Variants in CDKAL1 observed in about 807,000 individuals in gnomAD.
CDKAL1 encodes CDKAL1 threonylcarbamoyladenosine tRNA methylthiotransferase, also known as threonylcarbamoyladenosine tRNA methylthiotransferase.
In CDKAL1, 32 loss-of-function variants were observed where a neutral mutation model predicts 68.2. The observed-to-expected ratio is 0.47, with a 90% CI of 0.35 to 0.63. CDKAL1 has a LOEUF of 0.63. Ranked by LOEUF, CDKAL1 falls within the 30% of genes least tolerant of loss-of-function variation. The probability of loss-of-function intolerance (pLI) is 0.00; values close to 1 mark genes in which losing one functional copy is unlikely to be tolerated. For synonymous variants in CDKAL1, 234 were observed against 244.3 expected, an observed-to-expected ratio of 0.96 and a Z score of 0.39; for missense variants, 606 against 696.7, an observed-to-expected ratio of 0.87 and a Z score of 1.47.
At chr6:21,068,710 T>TC (rs1771592065) in intron 12 of CDKAL1, among the ~76,000 whole-genome samples, 1 of 152,194 alleles carries the variant, frequency 6.6e-6, no homozygotes, top group Non-Finnish European at 1.5e-5. Flanking sequence ...CTATTGTTGT[T>TC]CCTTTGTTTT....
chr6:21,034,000 T>A (rs1214050378), intron 11 of CDKAL1, among the ~76,000 whole-genome samples: 1 of 151,588 alleles, frequency 6.6e-6, no homozygotes, highest in African/African-American at 2.4e-5. Flanking sequence ...CAGCAGCAGC[T>A]GTGTTCTGCT....
chr6:20,655,624 C>T (rs1484981471), intron 5 of CDKAL1, among the ~76,000 whole-genome samples: 23 of 152,064 alleles, frequency 1.5e-4, no homozygotes, highest in Admixed American at 6.6e-4. Flanking sequence ...CTAGGTTGTG[C>T]GCTCCTTATA....
intron 7 of CDKAL1, among the ~76,000 whole-genome samples, chr6:20,774,788 G>A (rs1486163946): frequency 2.6e-5 from 4 of 152,090 alleles, no homozygotes; most frequent in East Asian, 1.9e-4. Context: ...TGGTAAAATC[G>A]TTTAGTAACA....
intron 4 of CDKAL1, among the ~76,000 whole-genome samples, chr6:20,643,244 C>G (rs2127753528): frequency 6.6e-6 from 1 of 152,264 alleles, no homozygotes; most frequent in Admixed American, 6.5e-5. Flanking sequence ...GTGCCCTTCT[C>G]TAATATTGCT....
chr6:21,080,599 T>C (rs1772335110), intron 12 of CDKAL1, among the ~76,000 whole-genome samples: 1 of 152,232 alleles, frequency 6.6e-6, no homozygotes, highest in Non-Finnish European at 1.5e-5. Context: ...CTCTGTACTA[T>C]CACTGTTCCC....
chr6:20,574,106 T>C (rs1293768807), intron 4 of CDKAL1, among the ~76,000 whole-genome samples: 1 of 152,184 alleles, frequency 6.6e-6, no homozygotes, highest in African/African-American at 2.4e-5. Context: ...GCATGGAGAA[T>C]TTTTGTCCTC....
chr6:20,552,452 T>G (rs113408161), intron 4 of CDKAL1, among the ~76,000 whole-genome samples: 3,323 of 152,288 alleles, frequency 0.022, 56 homozygotes, highest in Middle Eastern at 0.092. Context: ...TAAATTTTAA[T>G]CCATTAGCAG....
intron 10 of CDKAL1, among the ~76,000 whole-genome samples, chr6:20,967,022 G>A (rs537605775): frequency 1.3e-5 from 2 of 152,226 alleles, no homozygotes; most frequent in Non-Finnish European, 2.9e-5. Flanking sequence ...TTCTTGTCCC[G>A]CAGCTTCTAA....
chr6:20,646,674 G>A (rs529936010), intron 4 of CDKAL1, among the ~76,000 whole-genome samples: 1 of 152,160 alleles, frequency 6.6e-6, no homozygotes, highest in Non-Finnish European at 1.5e-5. Flanking sequence ...CTGGGTAGAA[G>A]AATGTGCCAG....
chr6:21,211,952 G>T (rs191943510), intron 15 of CDKAL1, among the ~76,000 whole-genome samples: 6 of 151,996 alleles, frequency 3.9e-5, no homozygotes, highest in Non-Finnish European at 8.8e-5. Flanking sequence ...GTAGAGATGA[G>T]GTCTCATTAT....
Position 20,698,480 on chromosome 6 carries a change from G to T in CDKAL1, c.372-41039G>T, listed in dbSNP as rs772673547. On this transcript the variant is annotated intron_variant, in intron 5 of 15. Coordinates refer to ENST00000274695, the MANE Select transcript of CDKAL1 (RefSeq NM_017774.3). ...TATTTCATCCAGGGTACTATGTTGC[G>T]CTTATCATGTCTTAGTCTTCTCTAG... 2.6e-5 allele frequency among the ~76,000 whole-genome samples: 4 copies of T among 151,994 alleles called. No homozygotes were observed. In the East Asian group the frequency reaches 7.7e-4, roughly 29 times the overall value.
At chr6:20,547,080 A>G (rs1178385120) in intron 3 of CDKAL1, among the ~76,000 whole-genome samples, 1 of 152,164 alleles carries the variant, frequency 6.6e-6, no homozygotes, top group African/African-American at 2.4e-5. Context: ...TAATCCAAAC[A>G]TCTGAAATGC....
chr6:21,166,366 TG>T (rs1440386174), intron 13 of CDKAL1, among the ~76,000 whole-genome samples: 1 of 152,098 alleles, frequency 6.6e-6, no homozygotes, highest in Non-Finnish European at 1.5e-5. Flanking sequence ...ATTTGGACTT[TG>T]TAAAGAAAAT....
chr6:20,903,756 A>G (rs1762109486), intron 9 of CDKAL1, among the ~76,000 whole-genome samples: 1 of 152,222 alleles, frequency 6.6e-6, no homozygotes, highest in South Asian at 2.1e-4. Flanking sequence ...TTCATAATAA[A>G]CATAAGTCCT....
intron 13 of CDKAL1, among the ~76,000 whole-genome samples, chr6:21,147,109 A>G (rs999157673): frequency 1.3e-5 from 2 of 152,148 alleles, no homozygotes; most frequent in African/African-American, 2.4e-5. Context: ...CCTAGAACCT[A>G]CGGTCCAACA....
chr6:20,929,154 C>G, intron 9 of CDKAL1, among the ~76,000 whole-genome samples: 1 of 152,080 alleles, frequency 6.6e-6, no homozygotes, highest in Non-Finnish European at 1.5e-5. Flanking sequence ...TGGAAGGATC[C>G]CAGTAGATAG....
chr6:20,923,734 C>A (rs1304637618), intron 9 of CDKAL1, among the ~76,000 whole-genome samples: 4 of 152,164 alleles, frequency 2.6e-5, no homozygotes, highest in Non-Finnish European at 2.9e-5. Context: ...TAGAAATGGG[C>A]AGGCATGGCG....
At chr6:20,898,967 CA>C (rs1761829761) in intron 9 of CDKAL1, among the ~76,000 whole-genome samples, 1 of 151,860 alleles carries the variant, frequency 6.6e-6, no homozygotes, top group Admixed American at 6.6e-5. Context: ...AATGGAGAGT[CA>C]GGGGGCTGCG....
intron 4 of CDKAL1, among the ~76,000 whole-genome samples, chr6:20,554,336 T>C (rs537129072): frequency 2.0e-5 from 3 of 152,360 alleles, no homozygotes; most frequent in Admixed American, 6.5e-5. Context: ...GTTCTCCAAG[T>C]AGGCAATTTT....
Sources: allele counts gnomAD v4.1 joint callset (sites outside exome capture counted in the v4.1 genomes callset), GRCh38; gene constraint gnomAD v4.1.1; transcripts MANE v1.5; gene names NCBI Gene and HGNC (gene_info 2026-07-23, HGNC 2026-07-21).